Variants in HMGB4 observed in about 807,000 individuals in gnomAD.
HMGB4 encodes the protein high mobility group box 4, also known as high mobility group protein B4.
For missense variants in HMGB4, 217 were observed against 220.4 expected (o/e 0.98, Z 0.10); for synonymous variants, 82 against 84.9 (o/e 0.97, Z 0.19).
Position 33,864,593 on chromosome 1 carries a change from G to A in HMGB4, c.402G>A (p.Ala134=), listed in dbSNP as rs139609593. The stretch of plus-strand genomic sequence containing the variant: ...CCACAGGGAAGATGTGGTCAACAGC[G>A]ACAGACCTGGAGAAGCACCCTTATG... The part of the protein sequence containing the change: ...AKATGKMWST[A]TDLEKHPYEQ... The change falls in exon 1 of 1, where the codon GCG becomes GCA. Residue 134 remains alanine, a synonymous_variant. Transcript: ENST00000681531. 5.3e-5 allele frequency: 85 copies of A among 1,613,996 alleles called. 1 individual carries two copies. In the East Asian group the frequency reaches 8.7e-4, roughly 17 times the overall value.
rs779888858 is a variant in HMGB4, at chr1:33,864,654, G to T, written c.463G>T (p.Glu155Ter). Residue 155 changes from glutamate (E) to a stop codon, truncating the protein, a stop_gained, in exon 1 of 1, where the codon GAG (glutamate) becomes TAG (stop). Coordinates refer to ENST00000681531, the MANE Select transcript of HMGB4 (RefSeq NM_001379301.1). LOFTEE classifies it low-confidence loss of function (END_TRUNC). The part of the protein sequence containing the change: ...RVALLRAKYF[E>*]ELELYRKQCN... ...GGCTCTCCTGAGAGCTAAGTACTTCGAGGAACTTGAACTCTACCGTAAACA... is the reference window on the plus strand; with the variant it reads ...GGCTCTCCTGAGAGCTAAGTACTTCTAGGAACTTGAACTCTACCGTAAACA... The T allele has an allele frequency of 1.9e-6, 3 of 1,613,888 alleles. No homozygotes were observed. In the South Asian group the frequency reaches 3.3e-5, roughly 18 times the overall value.
chr1:33,864,526 A>T lies in HMGB4; in HGVS notation c.335A>T (p.Lys112Met), dbSNP rs1162472280. 1 of 1,614,112 alleles carries T rather than the reference A, an allele frequency of 6.2e-7. No individual in the cohort carries two copies. The highest frequency in any genetic ancestry group is 1.1e-5 in the South Asian group (1 of 91,088). The change falls in exon 1 of 1, where the codon AAG (lysine) becomes ATG (methionine). Residue 112 changes from lysine to methionine, a missense_variant. Physicochemically the swap from Lys to Met is moderately conservative, Grantham distance 95. Transcript: ENST00000681531. ...TGCCAAGACCACTATGCTCAGCTGA[A>T]GAGGGAGAACCCGAACTGGTCGGTG... ...LFCQDHYAQL[K>M]RENPNWSVVQ...
In HMGB4 at chr1:33,864,298, T is replaced by G; in HGVS notation, c.107T>G (p.Val36Gly). Residue 36 changes from valine to glycine, a missense_variant, in exon 1 of 1, where the codon GTT becomes GGT. Val to Gly is a moderately radical substitution (Grantham distance 109, BLOSUM62 -3). Coordinates refer to ENST00000681531, the MANE Select transcript of HMGB4 (RefSeq NM_001379301.1). ...AAGGAGCAGCAGCCAAATACCTATG[T>G]TGGCTTTAAAGAGTTCTCTAGAAAG... The part of the protein sequence containing the change: ...KFKEQQPNTY[V>G]GFKEFSRKCS... 6.2e-7 allele frequency: 1 copy of G among 1,614,030 alleles called. No homozygotes were observed. Among genetic ancestry groups the G allele is most frequent in the Non-Finnish European group, 8.5e-7 (1 of 1,179,996 alleles).
upstream of HMGB4, among the ~76,000 whole-genome samples, chr1:33,861,682 C>G (rs927673438): frequency 6.6e-6 from 1 of 152,120 alleles, no homozygotes; most frequent in African/African-American, 2.4e-5. Context: ...GATGGCCACT[C>G]AAATTAAAAT....
upstream of HMGB4, chr1:33,862,962 T>C (rs979003833): frequency 1.3e-5 from 2 of 152,222 alleles, no homozygotes; most frequent in Non-Finnish European, 2.9e-5. Context: ...GCTCAGCTGC[T>C]GAGACCACAT....
At chr1:33,861,171 C>T (rs995465584), upstream of HMGB4, 5 of 152,174 alleles carry the variant, frequency 3.3e-5, no homozygotes, top group Non-Finnish European at 5.9e-5. Context: ...TGTATGTAAA[C>T]GAGTCATGAT....
chr1:33,863,996 T>G (rs1639755637), upstream of HMGB4: 1 of 572,992 alleles, frequency 1.7e-6, no homozygotes, highest in Non-Finnish European at 3.1e-6. Flanking sequence ...TTGGCTGGCT[T>G]GTGGATGATG....
chr1:33,863,275 T>C (rs532240740), upstream of HMGB4: 7 of 152,332 alleles, frequency 4.6e-5, no homozygotes, highest in East Asian at 1.3e-3. Context: ...TAGTGGAATA[T>C]CTGCAATTAC....
chr1:33,863,060 A>T, upstream of HMGB4: 1 of 151,704 alleles, frequency 6.6e-6, no homozygotes, highest in East Asian at 1.9e-4. Context: ...CAAAATCCAC[A>T]CTCTCACCTG....
chr1:33,863,472 T>C (rs1237585459), upstream of HMGB4: 2 of 152,198 alleles, frequency 1.3e-5, no homozygotes, highest in Non-Finnish European at 2.9e-5. Flanking sequence ...CTCTTTCGCC[T>C]CACATTTCTT....
upstream of HMGB4, chr1:33,862,782 T>G (rs756647757): frequency 6.6e-6 from 1 of 152,152 alleles, no homozygotes; most frequent in African/African-American, 2.4e-5. Context: ...GGGGATGGCT[T>G]AGGTAGGCCA....
Position 33,864,212 on chromosome 1 carries a change from A to G in HMGB4, c.21A>G (p.Leu7=). ...CGAACATGGGAAAAGAAATCCAGCT[A>G]AAGCCTAAGGCAAATGTCTCTTCTT... MGKEIQ[L]KPKANVSSYV... Residue 7 remains leucine, a synonymous_variant, in exon 1 of 1, where the codon CTA becomes CTG. Coordinates refer to ENST00000681531, the MANE Select transcript of HMGB4 (RefSeq NM_001379301.1). 2 of 1,603,566 alleles carry G rather than the reference A, an allele frequency of 1.2e-6. No individual in the cohort carries two copies. Among genetic ancestry groups the G allele is most frequent in the African/African-American group, 2.7e-5 (2 of 74,122 alleles).
chr1:33,863,236 A>G (rs1424358342), upstream of HMGB4: 1 of 152,194 alleles, frequency 6.6e-6, no homozygotes, highest in Non-Finnish European at 1.5e-5. Context: ...ACACTTTTTC[A>G]TCTTTTCTCT....
At chr1:33,863,908 T>G (rs1170645977), upstream of HMGB4, 1 of 345,058 alleles carries the variant, frequency 2.9e-6, no homozygotes, top group African/African-American at 2.1e-5. Flanking sequence ...TCATCTTTCA[T>G]GAGAGGCAAA....
upstream of HMGB4, chr1:33,863,789 C>T (rs1335939298): frequency 5.6e-6 from 1 of 177,122 alleles, no homozygotes; most frequent in East Asian, 1.6e-4. Flanking sequence ...TCACTACAGC[C>T]TAGGGATTTT....
upstream of HMGB4, among the ~76,000 whole-genome samples, chr1:33,861,709 G>A (rs1639524603): frequency 6.6e-6 from 1 of 152,224 alleles, no homozygotes; most frequent in South Asian, 2.1e-4. Context: ...TGAGGGCAGA[G>A]TGTGGGAAAG....
Position 33,864,709 on chromosome 1 carries a change from C to A in HMGB4, c.518C>A (p.Ser173Ter). The A allele has an allele frequency of 6.2e-7, 1 of 1,613,148 alleles. No individual in the cohort carries two copies. Among genetic ancestry groups the A allele is most frequent in the Non-Finnish European group, 8.5e-7 (1 of 1,179,734 alleles). The change falls in exon 1 of 1, where the codon TCA becomes TAA. Residue 173 changes from serine to a stop codon, truncating the protein, a stop_gained. Transcript: ENST00000681531. LOFTEE classifies it low-confidence loss of function (END_TRUNC). ...AATGCCAGGAAGAAGTACCGAATGT[C>A]AGCTAGAAACCGGTGCAGAGGGAAA... ...QCNARKKYRMSARNRCRGKRV... is the reference protein window; with the variant it reads ...QCNARKKYRM
upstream of HMGB4, chr1:33,863,306 C>T (rs1218407824): frequency 9.2e-5 from 14 of 152,136 alleles, no homozygotes; most frequent in East Asian, 3.8e-4. Context: ...AGCCAGAAGC[C>T]GGCCAGTTTG....
chr1:33,864,457 A>T lies in HMGB4; in HGVS notation c.266A>T (p.Asp89Val), dbSNP rs917100126. 6.2e-7 allele frequency: 1 copy of T among 1,613,836 alleles called. No individual in the cohort carries two copies. Among genetic ancestry groups the T allele is most frequent in the Non-Finnish European group, 8.5e-7 (1 of 1,179,732 alleles). Residue 89 changes from aspartate to valine, a missense_variant, in exon 1 of 1, where the codon GAT becomes GTT. Transcript: ENST00000681531. ...AAGAGGAAGAAACGGAGAAAGCGGG[A>T]TCCCCAGGAACCCAGACGGCCTCCA... ...VGKRKKRRKR[D>V]PQEPRRPPSS...
Sources: allele counts gnomAD v4.1 joint callset (sites outside exome capture counted in the v4.1 genomes callset), GRCh38; gene constraint gnomAD v4.1.1; transcripts MANE v1.5; gene names NCBI Gene and HGNC (gene_info 2026-07-23, HGNC 2026-07-21).